Variants in CSMD1 observed in about 807,000 individuals in gnomAD.
The protein encoded by CSMD1 is CUB and Sushi multiple domains 1.
In CSMD1, 213 loss-of-function variants were observed where a neutral mutation model predicts 417.5. The observed-to-expected ratio is 0.51, with a 90% CI of 0.46 to 0.57. CSMD1 has a LOEUF of 0.57. Ranked by LOEUF, CSMD1 falls within the 20% of genes least tolerant of loss-of-function variation. CSMD1 has a pLI of 0.00. For synonymous variants in CSMD1, 2,862 were observed against 1,736.8 expected (o/e 1.65, Z -16.11); for missense variants, 6,923 against 4,529.7 (o/e 1.53, Z -15.17).
intron 3 of CSMD1, among the ~76,000 whole-genome samples, chr8:4,228,973 C>A (rs746549052): frequency 6.6e-6 from 1 of 152,066 alleles, no homozygotes; most frequent in Non-Finnish European, 1.5e-5. Flanking sequence ...AGCCAGGACC[C>A]CTGATTTTAA....
At chr8:4,197,419 G>A (rs1330177785) in intron 3 of CSMD1, among the ~76,000 whole-genome samples, 4 of 152,308 alleles carry the variant, frequency 2.6e-5, no homozygotes, top group Non-Finnish European at 2.9e-5. Context: ...TTGGTAGAAT[G>A]AGTAAAGCAG....
In CSMD1 at chr8:2,937,448, A is replaced by AC. The variant is rs1563163046; in HGVS notation, c.*1136_*1137insG. 13 of 110,104 alleles carry AC rather than the reference A, an allele frequency of 1.2e-4. No homozygotes were observed. The highest frequency in any genetic ancestry group is 5.3e-4 in the East Asian group (1 of 1,884). The allele number at this position is 110,104 out of a possible 1,614,324, so 6.8% of individuals were successfully genotyped here. ...GGCACAGTAAAAGACAAAAAAAAAA[A>AC]AAAACAAAAAAAAAACACTGCAAAA... On this transcript the variant is annotated 3_prime_UTR_variant, in exon 70 of 70. Transcript: ENST00000635120.
At chr8:4,304,354 C>A (rs1360392860) in intron 3 of CSMD1, among the ~76,000 whole-genome samples, 1 of 151,992 alleles carries the variant, frequency 6.6e-6, no homozygotes, top group Non-Finnish European at 1.5e-5. Flanking sequence ...AGATACATTC[C>A]ATTTGATTAT....
At chr8:4,296,811 T>C (rs76219918) in intron 3 of CSMD1, among the ~76,000 whole-genome samples, 2,732 of 151,532 alleles carry the variant, frequency 0.018, 45 homozygotes, top group Non-Finnish European at 0.028. Flanking sequence ...AATGTGATTA[T>C]TGTATTCATC....
At chr8:4,349,413 C>A (rs1223273123) in intron 3 of CSMD1, among the ~76,000 whole-genome samples, 1 of 152,166 alleles carries the variant, frequency 6.6e-6, no homozygotes, top group African/African-American at 2.4e-5. Flanking sequence ...ATTATCACCT[C>A]TACTTTAATG....
chr8:4,136,208 A>G (rs181976445), intron 3 of CSMD1, among the ~76,000 whole-genome samples: 9 of 152,358 alleles, frequency 5.9e-5, no homozygotes, highest in African/African-American at 2.2e-4. Context: ...GAACACAAAA[A>G]TTGATCACAT....
intron 3 of CSMD1, among the ~76,000 whole-genome samples, chr8:4,073,944 C>T (rs2130788309): frequency 6.6e-6 from 1 of 151,988 alleles, no homozygotes; most frequent in East Asian, 1.9e-4. Context: ...TTGACGGTTG[C>T]TTCTTTTGAT....
intron 3 of CSMD1, among the ~76,000 whole-genome samples, chr8:4,223,492 A>G (rs1801167744): frequency 6.6e-6 from 1 of 152,244 alleles, no homozygotes; most frequent in African/African-American, 2.4e-5. Flanking sequence ...ATTGGTAGAG[A>G]TGATTGCACA....
intron 6 of CSMD1, among the ~76,000 whole-genome samples, chr8:3,724,194 A>ATT (rs1802353992): frequency 2.6e-5 from 1 of 39,178 alleles, no homozygotes; most frequent in African/African-American, 6.9e-5. Context: ...CTCTTTTACT[A>ATT]CTTTTTTTTT....
intron 1 of CSMD1, among the ~76,000 whole-genome samples, chr8:4,750,382 G>T (rs1473098633): frequency 1.3e-5 from 2 of 152,028 alleles, no homozygotes; most frequent in Admixed American, 1.3e-4. Flanking sequence ...AGTAGTTTAG[G>T]GTTATCAAGA....
At chr8:3,969,442 T>C (rs981934504) in intron 5 of CSMD1, among the ~76,000 whole-genome samples, 2 of 152,144 alleles carry the variant, frequency 1.3e-5, no homozygotes, top group African/African-American at 4.8e-5. Context: ...TGGGTGGTCA[T>C]GGTCACTAGT....
intron 11 of CSMD1, among the ~76,000 whole-genome samples, chr8:3,472,105 C>A (rs1370983528): frequency 1.3e-5 from 2 of 152,080 alleles, no homozygotes; most frequent in African/African-American, 4.8e-5. Context: ...GGCTTGTTGT[C>A]ATTGCTCCCT....
At chr8:4,379,001 G>A (rs922966651) in intron 3 of CSMD1, among the ~76,000 whole-genome samples, 1 of 152,126 alleles carries the variant, frequency 6.6e-6, no homozygotes, top group Non-Finnish European at 1.5e-5. Context: ...GATGGATTAA[G>A]AAAGTAGCAA....
chr8:4,097,469 T>C (rs974312361), intron 3 of CSMD1, among the ~76,000 whole-genome samples: 1 of 152,172 alleles, frequency 6.6e-6, no homozygotes, highest in Non-Finnish European at 1.5e-5. Context: ...TTGTAATAAT[T>C]TGTGCCAATT....
intron 3 of CSMD1, among the ~76,000 whole-genome samples, chr8:4,330,308 T>C (rs1175856833): frequency 6.6e-6 from 1 of 151,620 alleles, no homozygotes; most frequent in African/African-American, 2.4e-5. Flanking sequence ...CAATTTAATA[T>C]TTTGGGCTGG....
intron 12 of CSMD1, among the ~76,000 whole-genome samples, chr8:3,466,203 G>C (rs915107923): frequency 5.9e-5 from 9 of 151,270 alleles, no homozygotes; most frequent in African/African-American, 1.7e-4. Flanking sequence ...TGATTACTAG[G>C]ACTTTTTTTT....
intron 3 of CSMD1, among the ~76,000 whole-genome samples, chr8:4,316,538 A>T (rs1798942935): frequency 6.6e-6 from 1 of 152,136 alleles, no homozygotes; most frequent in Non-Finnish European, 1.5e-5. Context: ...GATTTCTGGT[A>T]AAATAATTAT....
chr8:3,177,892 T>C (rs1007289710), intron 37 of CSMD1, among the ~76,000 whole-genome samples: 2 of 152,220 alleles, frequency 1.3e-5, no homozygotes, highest in Non-Finnish European at 2.9e-5. Flanking sequence ...GGATATGTAT[T>C]TTGTCTTGGT....
chr8:3,962,156 C>T (rs1812373340), intron 5 of CSMD1, among the ~76,000 whole-genome samples: 1 of 152,148 alleles, frequency 6.6e-6, no homozygotes, highest in South Asian at 2.1e-4. Context: ...GCACCTACTT[C>T]ATAGACCTGC....
Sources: gnomAD v4.1 joint callset for allele counts (sites outside exome capture counted in the v4.1 genomes callset) on GRCh38, gnomAD v4.1.1 for gene constraint, MANE v1.5 for transcripts, NCBI Gene and HGNC (gene_info 2026-07-23, HGNC 2026-07-21) for gene names.